TMEM178B: variants seen among roughly 807,000 people sequenced by gnomAD.
TMEM178B encodes the protein transmembrane protein 178B.
In TMEM178B, 5 loss-of-function variants were observed where a neutral mutation model predicts 31.0. The ratio of observed to expected loss-of-function variants is 0.16; its 90% CI spans 0.08 to 0.34. The LOEUF is 0.34. Ranked by LOEUF, TMEM178B falls within the 10% of genes least tolerant of loss-of-function variation. The pLI, the probability that TMEM178B is intolerant of heterozygous loss-of-function variation, is 1.00. For missense variants in TMEM178B, 275 were observed against 400.3 expected (o/e 0.69, Z 2.67); for synonymous variants, 164 against 164.0 (o/e 1.00, Z 0.00).
At chr7:141,206,600 C>T (rs771883062) in intron 1 of TMEM178B, among the ~76,000 whole-genome samples, 4 of 152,132 alleles carry the variant, frequency 2.6e-5, no homozygotes, top group African/African-American at 7.2e-5. Flanking sequence ...TGCCAAAGGC[C>T]GCATCATCTC....
At chr7:141,235,040 A>G (rs886742203) in intron 2 of TMEM178B, among the ~76,000 whole-genome samples, 9 of 152,206 alleles carry the variant, frequency 5.9e-5, no homozygotes, top group African/African-American at 2.2e-4. Flanking sequence ...TCATTTCAAT[A>G]TGAGTATTAT....
intron 2 of TMEM178B, among the ~76,000 whole-genome samples, chr7:141,256,259 A>T (rs2191935): frequency 6.6e-6 from 1 of 151,988 alleles, no homozygotes; most frequent in African/African-American, 2.4e-5. Context: ...AATTAAAAGA[A>T]GGGATAGGGC....
chr7:141,499,444 A>G, the TMEM178B span, among the ~76,000 whole-genome samples: 3 of 146,554 alleles, frequency 2.0e-5, no homozygotes, highest in Admixed American at 6.8e-5. Flanking sequence ...CCTGGGAACC[A>G]TAGGAAGACC....
At chr7:141,274,592 T>C (rs1443963121) in intron 2 of TMEM178B, among the ~76,000 whole-genome samples, 4 of 152,212 alleles carry the variant, frequency 2.6e-5, no homozygotes, top group African/African-American at 4.8e-5. Flanking sequence ...GGGTCCTCAC[T>C]TCCACAGGTA....
rs575388117 is a variant in TMEM178B, at chr7:141,177,923, G to A, written c.383-34668G>A. 1.3e-4 allele frequency among the ~76,000 whole-genome samples: 20 copies of A among 152,040 alleles called. No homozygotes were observed. The South Asian group carries it at 4.2e-3, about 32-fold the overall frequency. ...TTGCCAGTCTGTGTCTTTTAATTGGGGCATTTAGCTCATTTACATTTAAGG... is the reference window on the plus strand; with the variant it reads ...TTGCCAGTCTGTGTCTTTTAATTGGAGCATTTAGCTCATTTACATTTAAGG... On this transcript the variant is annotated intron_variant, in intron 1 of 3. Coordinates refer to ENST00000565468, the MANE Select transcript of TMEM178B (RefSeq NM_001195278.2).
chr7:141,367,998 T>C (rs1194418979), intron 2 of TMEM178B, among the ~76,000 whole-genome samples: 2 of 152,174 alleles, frequency 1.3e-5, no homozygotes, highest in Non-Finnish European at 2.9e-5. Context: ...GCCATGCTTA[T>C]TCTGGAAGAG....
intron 2 of TMEM178B, among the ~76,000 whole-genome samples, chr7:141,398,507 C>T (rs1343538401): frequency 6.6e-6 from 1 of 152,142 alleles, no homozygotes; most frequent in Non-Finnish European, 1.5e-5. Context: ...CTTCTTTCCT[C>T]CCATCCCCTC....
intron 3 of TMEM178B, among the ~76,000 whole-genome samples, chr7:141,463,823 G>A (rs754500309): frequency 1.8e-4 from 27 of 152,016 alleles, no homozygotes; most frequent in African/African-American, 5.3e-4. Context: ...GGTGATAAAC[G>A]AGGTTGGCTA....
chr7:141,103,576 GC>G lies in TMEM178B; in HGVS notation c.382+28886del, dbSNP rs376949243. Among the ~76,000 whole-genome samples, 443 of 152,126 alleles carry G rather than the reference GC, an allele frequency of 2.9e-3. 4 individuals carry two copies. Among genetic ancestry groups the G allele is most frequent in the African/African-American group, 0.01 (431 of 41,496 alleles). On this transcript the variant is annotated intron_variant, in intron 1 of 3. Coordinates refer to ENST00000565468, the MANE Select transcript of TMEM178B (RefSeq NM_001195278.2). ...TGTTTATTCTCATTTCTGTCACCCT[GC>G]CTGGCTCATAGTCAGTCCATGGGAA...
chr7:141,093,996 A>T (rs1794918918), intron 1 of TMEM178B, among the ~76,000 whole-genome samples: 1 of 152,202 alleles, frequency 6.6e-6, no homozygotes. Flanking sequence ...CTGGACTGAG[A>T]AAGTTAGGTC....
At chr7:141,361,188 C>G (rs1333851545) in intron 2 of TMEM178B, among the ~76,000 whole-genome samples, 1 of 152,162 alleles carries the variant, frequency 6.6e-6, no homozygotes, top group Non-Finnish European at 1.5e-5. Flanking sequence ...TTGGGAATGT[C>G]CTGCCACTGG....
intron 1 of TMEM178B, among the ~76,000 whole-genome samples, chr7:141,159,213 G>A (rs1248361264): frequency 2.0e-5 from 3 of 151,978 alleles, no homozygotes; most frequent in East Asian, 3.9e-4. Flanking sequence ...CCTTCTAGCT[G>A]CAGTAGTCTC....
chr7:141,499,419 G>A, the TMEM178B span, among the ~76,000 whole-genome samples: 1 of 146,432 alleles, frequency 6.8e-6, no homozygotes, highest in South Asian at 2.1e-4. Flanking sequence ...GTTGAGCCCA[G>A]GAGTTCAAGA....
chr7:141,082,165 T>C (rs1794697100), intron 1 of TMEM178B, among the ~76,000 whole-genome samples: 2 of 152,202 alleles, frequency 1.3e-5, no homozygotes. Flanking sequence ...CGCCTAACGA[T>C]GCATTTCTCA....
intron 2 of TMEM178B, among the ~76,000 whole-genome samples, chr7:141,328,726 T>C (rs748621789): frequency 3.3e-5 from 5 of 152,204 alleles, no homozygotes; most frequent in Non-Finnish European, 5.9e-5. Context: ...CTGGCCAGTG[T>C]CATCTACCAT....
At chr7:141,299,001 G>A (rs956666757) in intron 2 of TMEM178B, among the ~76,000 whole-genome samples, 3 of 152,106 alleles carry the variant, frequency 2.0e-5, no homozygotes, top group Non-Finnish European at 4.4e-5. Flanking sequence ...GTCTGCAGGA[G>A]ATGGGAGTAG....
chr7:141,497,943 T>A, the TMEM178B span, among the ~76,000 whole-genome samples: 1 of 152,148 alleles, frequency 6.6e-6, no homozygotes, highest in Admixed American at 6.5e-5. Flanking sequence ...AAGCCCTGGG[T>A]TCAAGGGCAA....
intron 1 of TMEM178B, among the ~76,000 whole-genome samples, chr7:141,202,101 T>C (rs1264341840): frequency 6.6e-6 from 1 of 152,108 alleles, no homozygotes; most frequent in Non-Finnish European, 1.5e-5. Context: ...CCTTTTAGCA[T>C]TAAACAAATG....
At chr7:141,481,596 T>C (rs1249211374), downstream of TMEM178B, among the ~76,000 whole-genome samples, 2 of 152,166 alleles carry the variant, frequency 1.3e-5, no homozygotes, top group East Asian at 1.9e-4. Flanking sequence ...TATAGAGTAA[T>C]ATCAGCTGTG....
Sources: allele counts gnomAD v4.1 joint callset (sites outside exome capture counted in the v4.1 genomes callset), GRCh38; gene constraint gnomAD v4.1.1; transcripts MANE v1.5; gene names NCBI Gene and HGNC (gene_info 2026-07-23, HGNC 2026-07-21).